SLC4A8: variants seen among roughly 807,000 people sequenced by gnomAD.
SLC4A8 encodes the protein electroneutral sodium bicarbonate exchanger 1.
SLC4A8 carries 40 observed loss-of-function variants against 125.0 expected under a neutral mutation model. The ratio of observed to expected loss-of-function variants is 0.32; its 90% CI spans 0.25 to 0.42. The LOEUF (loss-of-function observed/expected upper bound fraction) is 0.42. SLC4A8 is among the 10% of genes least tolerant of loss of function. The pLI, the probability that SLC4A8 is intolerant of heterozygous loss-of-function variation, is 1.00. For missense variants in SLC4A8, 863 were observed against 1,355.1 expected, an observed-to-expected ratio of 0.64 and a Z score of 5.70; for synonymous variants, 456 against 476.0, an observed-to-expected ratio of 0.96 and a Z score of 0.55.
chr12:51,458,524 G>A, intron 6 of SLC4A8, 35 bp from the exon 7 acceptor site: 1 of 1,466,854 alleles, frequency 6.8e-7, no homozygotes, highest in South Asian at 1.1e-5. Flanking sequence ...GAAAAGGGCA[G>A]GGACTCAGGA....
intron 16 of SLC4A8, among the ~76,000 whole-genome samples, chr12:51,483,491 T>C (rs1212424291): frequency 6.6e-6 from 1 of 151,136 alleles, no homozygotes; most frequent in East Asian, 1.9e-4. Context: ...TTTAAGTCAG[T>C]AGTGGTTTAT....
At chr12:51,401,644 CG>C (rs1336641552) in intron 1 of SLC4A8, among the ~76,000 whole-genome samples, 1 of 152,150 alleles carries the variant, frequency 6.6e-6, no homozygotes, top group Non-Finnish European at 1.5e-5. Flanking sequence ...GCTCGGGTCT[CG>C]GGGTTTTTAT....
intron 1 of SLC4A8, among the ~76,000 whole-genome samples, chr12:51,412,351 T>A (rs183273869): frequency 6.6e-6 from 1 of 152,344 alleles, no homozygotes; most frequent in African/African-American, 2.4e-5. Flanking sequence ...GATATTTTGA[T>A]ACATGCATAC....
chr12:51,497,236 G>T, intron 22 of SLC4A8, 112 bp downstream of exon 22: 1 of 1,110,132 alleles, frequency 9.0e-7, no homozygotes, highest in South Asian at 1.6e-5. Flanking sequence ...TTTAGGAGCT[G>T]GGAAGATTAC....
At position 51,457,331 on chromosome 12, in the gene SLC4A8, T is replaced by C. The variant is rs1185193071; in HGVS notation, c.575-20T>C. On this transcript the variant is annotated intron_variant, in intron 5 of 24. Transcript: ENST00000453097. Reference sequence around the variant, plus strand: ...CATTAACCCTCAATCTGAGTGTTCATGTGAGTGCCTGCTTTCCAGACCTGA... The same window carrying C: ...CATTAACCCTCAATCTGAGTGTTCACGTGAGTGCCTGCTTTCCAGACCTGA... 1.2e-6 allele frequency: 2 copies of C among 1,610,236 alleles called. No homozygotes were observed. The highest frequency in any genetic ancestry group is 1.7e-6 in the Non-Finnish European group (2 of 1,177,500).
intron 2 of SLC4A8, 45 bp from the exon 3 acceptor site, chr12:51,450,831 T>A (rs534401155): frequency 5.0e-6 from 8 of 1,607,238 alleles, no homozygotes; most frequent in South Asian, 2.2e-5. Flanking sequence ...TGTTGTTTTT[T>A]AAAACTAAAG....
chr12:51,499,060 A>G (rs2138432309), intron 22 of SLC4A8, among the ~76,000 whole-genome samples: 1 of 151,768 alleles, frequency 6.6e-6, no homozygotes, highest in East Asian at 2.0e-4. Flanking sequence ...GCATGCCTAT[A>G]ATCCCAGCTA....
intron 21 of SLC4A8, among the ~76,000 whole-genome samples, chr12:51,495,470 C>CTTTTTTTTTTTTTTT (rs3028942): frequency 1.4e-4 from 11 of 76,272 alleles, no homozygotes; most frequent in African/African-American, 3.0e-4. Flanking sequence ...TTTCTTTCTT[C>CTTTTTTTTTTTTTTT]TTTTTTTTTT....
chr12:51,401,289 T>C (rs756527272), intron 1 of SLC4A8, among the ~76,000 whole-genome samples: 21 of 152,288 alleles, frequency 1.4e-4, no homozygotes, highest in Non-Finnish European at 2.6e-4. Flanking sequence ...TATCCCGGGT[T>C]CTTGCCTTGG....
intron 22 of SLC4A8, among the ~76,000 whole-genome samples, chr12:51,502,610 T>A (rs1489215640): frequency 6.6e-6 from 1 of 150,942 alleles, no homozygotes; most frequent in East Asian, 2.0e-4. Flanking sequence ...CTGGTCAACA[T>A]CATGCATCAT....
intron 1 of SLC4A8, among the ~76,000 whole-genome samples, chr12:51,439,792 T>C (rs1242184574): frequency 6.6e-6 from 1 of 152,160 alleles, no homozygotes; most frequent in East Asian, 1.9e-4. Context: ...AATGGATGAA[T>C]AAGTAACTTT....
chr12:51,470,346 T>C, intron 12 of SLC4A8, 46 bp from the exon 13 acceptor site: 2 of 1,595,174 alleles, frequency 1.3e-6, no homozygotes, highest in Non-Finnish European at 1.7e-6. Flanking sequence ...AACATTACTC[T>C]GTACTGATGG....
Position 51,474,348 on chromosome 12 carries a change from G to T in SLC4A8, c.1911G>T (p.Arg637Ser). ...QLDHLSLYYCRCTLPENPNNH... is the reference protein window; with the variant it reads ...QLDHLSLYYCSCTLPENPNNH... ...TTTTAATTTTTCCCCTCAGCTGCAGGTGTACTCTGCCAGAGAATCCAAACA... is the reference window on the plus strand; with the variant it reads ...TTTTAATTTTTCCCCTCAGCTGCAGTTGTACTCTGCCAGAGAATCCAAACA... The change falls in exon 15 of 25, where the codon AGG (arginine) becomes AGT (serine). Residue 637 changes from arginine to serine, a missense_variant. By Grantham distance (110) the Arg-to-Ser change is moderately radical. Coordinates refer to ENST00000453097, the MANE Select transcript of SLC4A8 (RefSeq NM_001039960.3). 6.3e-7 allele frequency: 1 copy of T among 1,577,598 alleles called. No homozygotes were observed. Among genetic ancestry groups the T allele is most frequent in the East Asian group, 2.3e-5 (1 of 44,194 alleles).
In SLC4A8 at chr12:51,514,189, T is replaced by A. The variant is rs1417952695; in HGVS notation, c.*6751T>A. 1 of 152,684 alleles carries A rather than the reference T, an allele frequency of 6.5e-6. No individual in the cohort carries two copies. The highest frequency in any genetic ancestry group is 1.5e-5 in the Non-Finnish European group (1 of 68,044). 9.5% of individuals were successfully genotyped at this position (152,684 alleles called of 1,614,324 possible). On this transcript the variant is annotated 3_prime_UTR_variant, in exon 25 of 25. Transcript: ENST00000453097. ...CCTTCCAGGACTTTAAACAGTTGTC[T>A]TTGCCAATTTGTTCCTGGATTTTCC...
chr12:51,413,331 T>A (rs887182786), intron 1 of SLC4A8, among the ~76,000 whole-genome samples: 3 of 152,226 alleles, frequency 2.0e-5, no homozygotes, highest in Admixed American at 1.3e-4. Context: ...GTTGGATGAA[T>A]AGTTTGCAAA....
At chr12:51,436,770 G>A (rs1949432625) in intron 1 of SLC4A8, among the ~76,000 whole-genome samples, 1 of 152,114 alleles carries the variant, frequency 6.6e-6, no homozygotes. Flanking sequence ...GGGATTATAG[G>A]CGTGCACCAC....
At chr12:51,449,280 T>TA (rs1949886816) in intron 2 of SLC4A8, among the ~76,000 whole-genome samples, 8 of 151,324 alleles carry the variant, frequency 5.3e-5, no homozygotes, top group African/African-American at 1.7e-4. Context: ...CTACTAAAAA[T>TA]CAAAAAAATT....
intron 1 of SLC4A8, among the ~76,000 whole-genome samples, chr12:51,426,498 G>GTA: frequency 6.6e-6 from 1 of 152,336 alleles, no homozygotes; most frequent in Admixed American, 6.5e-5. Flanking sequence ...CCATAAGCGT[G>GTA]TATAACAGTG....
intron 11 of SLC4A8, among the ~76,000 whole-genome samples, chr12:51,465,198 T>A (rs1226568528): frequency 6.6e-6 from 1 of 152,042 alleles, no homozygotes; most frequent in African/African-American, 2.4e-5. Flanking sequence ...AGGTTTTGAG[T>A]ATGGATTTGA....
Sources: gnomAD v4.1 joint callset for allele counts (sites outside exome capture counted in the v4.1 genomes callset) on GRCh38, gnomAD v4.1.1 for gene constraint, MANE v1.5 for transcripts, NCBI Gene and HGNC (gene_info 2026-07-23, HGNC 2026-07-21) for gene names.